The following CLASP2 variants were observed in gnomAD, a reference collection of about 807,000 sequenced individuals.
The protein encoded by CLASP2 is cytoplasmic linker associated protein 2.
In CLASP2, 47 loss-of-function variants were observed where a neutral mutation model predicts 194.4. The observed-to-expected ratio is 0.24, with a 90% confidence interval of 0.19 to 0.31. The LOEUF is 0.31. Among genes scored for constraint, CLASP2 ranks in the 10% least tolerant of loss-of-function variants. CLASP2 has a pLI of 1.00. For synonymous variants in CLASP2, 619 were observed against 633.5 expected, an observed-to-expected ratio of 0.98 and a Z score of 0.34; for missense variants, 1,445 against 1,823.6, an observed-to-expected ratio of 0.79 and a Z score of 3.78.
intron 7 of CLASP2, among the ~76,000 whole-genome samples, chr3:33,655,411 C>T (rs2083975515): frequency 1.3e-5 from 2 of 152,142 alleles, no homozygotes. Context: ...TCAATGGCTA[C>T]AGCAGGAAGG....
intron 6 of CLASP2, among the ~76,000 whole-genome samples, chr3:33,670,143 A>C (rs2086893762): frequency 6.6e-6 from 1 of 152,102 alleles, no homozygotes. Flanking sequence ...TAAAAAACAT[A>C]ATTTTAACAG....
At chr3:33,636,013 T>G (rs2080073708) in intron 8 of CLASP2, among the ~76,000 whole-genome samples, 1 of 152,214 alleles carries the variant, frequency 6.6e-6, no homozygotes, top group Non-Finnish European at 1.5e-5. Flanking sequence ...AAAAGAATCC[T>G]GGTAGTTAGT....
intron 16 of CLASP2, among the ~76,000 whole-genome samples, chr3:33,605,168 C>T (rs1242604649): frequency 2.0e-5 from 3 of 152,044 alleles, no homozygotes; most frequent in Non-Finnish European, 4.4e-5. Context: ...TTAGCATCAC[C>T]TAGGAGCTTG....
chr3:33,681,635 TAA>T lies in CLASP2; in HGVS notation c.644+2722_644+2723del, dbSNP rs1186691982. Among the ~76,000 whole-genome samples the T allele has an allele frequency of 2.0e-5, 3 of 152,150 alleles. No homozygotes were observed. In the East Asian group the frequency reaches 5.8e-4, roughly 29 times the overall value. On this transcript the variant is annotated intron_variant, in intron 6 of 38. Coordinates refer to ENST00000682230, the MANE Select transcript of CLASP2 (RefSeq NM_001365631.1). ...TTATTCAACAAATAAAACACAAGGATAAAAGAGTGTTGGAGTACATAAAGGTT... is the reference window on the plus strand; with the variant it reads ...TTATTCAACAAATAAAACACAAGGATAAGAGTGTTGGAGTACATAAAGGTT...
chr3:33,526,397 A>T (rs1189519775), intron 34 of CLASP2, among the ~76,000 whole-genome samples: 2 of 152,242 alleles, frequency 1.3e-5, no homozygotes, highest in Non-Finnish European at 2.9e-5. Flanking sequence ...ACATTACATA[A>T]TGGAAAAGGG....
At chr3:33,696,820 T>A (rs753573767) in intron 2 of CLASP2, 35 bp downstream of exon 2, 3 of 1,314,920 alleles carry the variant, frequency 2.3e-6, no homozygotes, top group Non-Finnish European at 3.2e-6. Context: ...ATGTCAAATC[T>A]TATTTAGAAT....
chr3:33,536,942 G>C (rs915009702), intron 33 of CLASP2, among the ~76,000 whole-genome samples: 9 of 152,206 alleles, frequency 5.9e-5, no homozygotes, highest in African/African-American at 2.2e-4. Context: ...AGAAGACCAG[G>C]AGTTCAAACA....
At position 33,517,053 on chromosome 3, in the gene CLASP2, T is replaced by G; in HGVS notation, c.3909A>C (p.Glu1303Asp). ...AGTGTTCATCCCAAACACTAAAAGA[T>G]TCTTCCTGTGTCAGTTTCATAAGTT... is the stretch of plus-strand genomic sequence containing the variant. ...LYELMKLTQE[E>D]SFSVWDEHFK... The change falls in exon 35 of 39, where the codon GAA (glutamate) becomes GAC (aspartate). Residue 1303 changes from glutamate to aspartate, a missense_variant. Around this residue, in one of 4 missense-constraint regions of CLASP2, gnomAD observed 732 missense variants for 987.9 expected, o/e 0.74. Coordinates refer to ENST00000682230, the MANE Select transcript of CLASP2 (RefSeq NM_001365631.1). 6.2e-7 allele frequency: 1 copy of G among 1,613,768 alleles called. No individual in the cohort carries two copies. Among genetic ancestry groups the G allele is most frequent in the Middle Eastern group, 1.7e-4 (1 of 6,058 alleles).
At chr3:33,574,989 G>A (rs2064538270) in intron 24 of CLASP2, among the ~76,000 whole-genome samples, 1 of 152,038 alleles carries the variant, frequency 6.6e-6, no homozygotes, top group Admixed American at 6.6e-5. Flanking sequence ...CTAAGTAATA[G>A]TTCAAGAAAA....
In CLASP2 at chr3:33,520,820, T is replaced by TACACAC. The variant is rs57151303; in HGVS notation, c.3788-3652_3788-3647dup. Among the ~76,000 whole-genome samples, 320 of 142,524 alleles carry TACACAC rather than the reference T, an allele frequency of 2.2e-3. 1 individual carries two copies. Among genetic ancestry groups the TACACAC allele is most frequent in the Middle Eastern group, 6.9e-3 (2 of 288 alleles). The allele number at this position is 142,524 out of a possible 152,430, so 93.5% of individuals were successfully genotyped here. A position where few individuals can be genotyped will look rare whatever the true frequency, so the allele number is the denominator to read the frequency against. On this transcript the variant is annotated intron_variant, in intron 34 of 38. Coordinates refer to ENST00000682230, the MANE Select transcript of CLASP2 (RefSeq NM_001365631.1). Reference sequence around the variant, plus strand: ...ATATGGAAACAGAGATGTAAATCTCTACACACACACACACACACACACACA... The same window carrying TACACAC: ...ATATGGAAACAGAGATGTAAATCTCTACACACACACACACACACACACACACACACA...
intron 29 of CLASP2, among the ~76,000 whole-genome samples, chr3:33,555,419 G>A (rs2060750741): frequency 6.7e-6 from 1 of 150,138 alleles, no homozygotes; most frequent in African/African-American, 2.5e-5. Flanking sequence ...AGGGTAGAGT[G>A]CAGTGGTGTC....
intron 21 of CLASP2, among the ~76,000 whole-genome samples, chr3:33,588,992 C>A (rs2068038339): frequency 6.6e-6 from 1 of 152,026 alleles, no homozygotes; most frequent in Non-Finnish European, 1.5e-5. Context: ...AATGAGACTG[C>A]AACAGTAAAT....
intron 13 of CLASP2, among the ~76,000 whole-genome samples, chr3:33,608,930 C>A (rs1234520068): frequency 6.6e-6 from 1 of 151,808 alleles, no homozygotes; most frequent in East Asian, 1.9e-4. Context: ...TTATGCTAAA[C>A]AGTTCAAAAA....
At chr3:33,710,120 T>G (rs1271491293) in intron 1 of CLASP2, among the ~76,000 whole-genome samples, 1 of 152,204 alleles carries the variant, frequency 6.6e-6, no homozygotes, top group African/African-American at 2.4e-5. Context: ...ATGTTCAATA[T>G]TCTCCATAGT....
chr3:33,578,652 T>A lies in CLASP2; in HGVS notation c.2348-2377A>T, dbSNP rs533711215. ...TAGAAAAATAAACTAAAATACATTGTTAGTTTTAATTTTACCTAACAGAAA... is the reference window on the plus strand; with the variant it reads ...TAGAAAAATAAACTAAAATACATTGATAGTTTTAATTTTACCTAACAGAAA... On this transcript the variant is annotated intron_variant, in intron 23 of 38. Transcript: ENST00000682230. Among the ~76,000 whole-genome samples the A allele has an allele frequency of 2.6e-5, 4 of 152,322 alleles. No individual in the cohort carries two copies. In the East Asian group the frequency reaches 7.7e-4, roughly 29 times the overall value.
At chr3:33,558,831 T>C (rs2061362217) in intron 29 of CLASP2, 1 of 154,798 alleles carries the variant, frequency 6.5e-6, no homozygotes, top group Admixed American at 6.5e-5. Flanking sequence ...TGCCTGACAC[T>C]TAAAAAAAAA....
chr3:33,622,437 G>A (rs1308108024), intron 10 of CLASP2, among the ~76,000 whole-genome samples, 157 bp from the exon 11 acceptor site: 1 of 152,114 alleles, frequency 6.6e-6, no homozygotes, highest in Non-Finnish European at 1.5e-5. Context: ...AGCATTAAAT[G>A]TATCTTGTAA....
At chr3:33,581,749 G>A (rs2066188615) in intron 23 of CLASP2, 72 bp downstream of exon 23, 1 of 988,870 alleles carries the variant, frequency 1.0e-6, no homozygotes, top group East Asian at 2.6e-5. Context: ...TAAATCCCAG[G>A]TATGCTGAAG....
intron 7 of CLASP2, 121 bp downstream of exon 7, chr3:33,663,324 T>C (rs1045505677): frequency 1.8e-6 from 1 of 544,002 alleles, no homozygotes; most frequent in East Asian, 3.1e-5. Context: ...TGTTATTATA[T>C]CTCAACTAAG....
Sources: allele counts gnomAD v4.1 joint callset (sites outside exome capture counted in the v4.1 genomes callset), GRCh38; gene constraint gnomAD v4.1.1; regional missense constraint gnomAD v4.1.1; transcripts MANE v1.5; gene names NCBI Gene and HGNC (gene_info 2026-07-23, HGNC 2026-07-21).